TMEM247: variants seen among roughly 807,000 people sequenced by gnomAD.
TMEM247 encodes transmembrane protein 247, also known as transmembrane protein ENSP00000343375.
Under a neutral mutation model 20.7 loss-of-function variants are expected in TMEM247, and 23 were observed. That is an observed-to-expected ratio of 1.11 (90% CI 0.80 to 1.57). The LOEUF is 1.57. Among genes scored for constraint, TMEM247 ranks in the 40% most tolerant of loss-of-function variants. TMEM247 has a pLI of 0.00. For synonymous variants in TMEM247, 106 were observed against 111.9 expected (o/e 0.95, Z 0.33); for missense variants, 354 against 283.8 (o/e 1.25, Z -1.78).
exon 2 of TMEM247, chr2:46,480,591 C>G: frequency 1.3e-6 from 2 of 1,551,750 alleles, no homozygotes; most frequent in Non-Finnish European, 1.7e-6. Flanking sequence ...TGAGCGCAAT[C>G]CCGAGATGGA....
At chr2:46,480,233 C>G (rs1686852307) in intron 1 of TMEM247, among the ~76,000 whole-genome samples, 172 bp from the exon 2 acceptor site, 4 of 152,200 alleles carry the variant, frequency 2.6e-5, no homozygotes, top group Admixed American at 1.3e-4. Flanking sequence ...CCTTGACCCG[C>G]AGGTCCTGAC....
At chr2:46,480,444 T>G (rs1428436820) in exon 2 of TMEM247, 2 of 1,551,342 alleles carry the variant, frequency 1.3e-6, no homozygotes, top group East Asian at 4.9e-5. Flanking sequence ...CTATGACTAC[T>G]TGGAAGAGAT....
At chr2:46,480,814 G>A in intron 2 of TMEM247, 50 bp downstream of exon 2, 1 of 1,500,600 alleles carries the variant, frequency 6.7e-7, no homozygotes, top group Non-Finnish European at 8.9e-7. Flanking sequence ...TGGAGCTGAA[G>A]TCCCATGGGG....
chr2:46,480,858 C>T (rs1164339829), intron 2 of TMEM247, 94 bp downstream of exon 2: 18 of 1,414,620 alleles, frequency 1.3e-5, no homozygotes, highest in Admixed American at 7.9e-5. Flanking sequence ...CTGCTTTGCG[C>T]GGCACCCCAC....
chr2:46,484,289 G>A, exon 3 of TMEM247: 1 of 1,552,034 alleles, frequency 6.4e-7, no homozygotes, highest in Non-Finnish European at 8.7e-7. Context: ...GAACCAGTTT[G>A]CCATGTTCCT....
intron 2 of TMEM247, among the ~76,000 whole-genome samples, chr2:46,483,972 T>A (rs564391674): frequency 6.6e-6 from 1 of 152,176 alleles, no homozygotes; most frequent in Non-Finnish European, 1.5e-5. Flanking sequence ...TTTTTTTTTA[T>A]AGAGATAGGG....
At chr2:46,479,618 C>T (rs1448674377) in exon 1 of TMEM247, 1 of 1,551,686 alleles carries the variant, frequency 6.4e-7, no homozygotes, top group Non-Finnish European at 8.7e-7. Context: ...TGATGGAAGC[C>T]CGGGGTGCGG....
At chr2:46,482,700 G>T (rs914522176) in intron 2 of TMEM247, among the ~76,000 whole-genome samples, 1 of 152,126 alleles carries the variant, frequency 6.6e-6, no homozygotes. Flanking sequence ...AAGTCCAGGG[G>T]TCCAGAGCCA....
intron 2 of TMEM247, among the ~76,000 whole-genome samples, chr2:46,483,052 T>A (rs758957036): frequency 6.6e-6 from 1 of 152,216 alleles, no homozygotes; most frequent in Non-Finnish European, 1.5e-5. Context: ...TGTATTGAAT[T>A]GAAAATACCT....
At chr2:46,480,336 C>T in intron 1 of TMEM247, 69 bp from the exon 2 acceptor site, 1 of 1,444,836 alleles carries the variant, frequency 6.9e-7, no homozygotes, top group Non-Finnish European at 9.1e-7. Flanking sequence ...TGCGGGAGTT[C>T]CATGGGGTCA....
At chr2:46,484,329 A>G (rs984945375) in exon 3 of TMEM247, 27 of 1,552,152 alleles carry the variant, frequency 1.7e-5, no homozygotes, top group African/African-American at 2.7e-5. Flanking sequence ...CACATCATCT[A>G]TGTCACCAAG....
At chr2:46,482,730 C>T (rs1572685562) in intron 2 of TMEM247, among the ~76,000 whole-genome samples, 1 of 152,166 alleles carries the variant, frequency 6.6e-6, no homozygotes, top group Admixed American at 6.5e-5. Context: ...TGCAGAGAAC[C>T]GTCGGGTCAG....
chr2:46,483,324 T>C (rs1232542478), intron 2 of TMEM247, among the ~76,000 whole-genome samples: 2 of 152,190 alleles, frequency 1.3e-5, no homozygotes, highest in Admixed American at 6.5e-5. Context: ...CAACTCAAGC[T>C]GCTTTCCCCC....
At chr2:46,479,770 C>A in intron 1 of TMEM247, 68 bp downstream of exon 1, 1 of 1,171,118 alleles carries the variant, frequency 8.5e-7, no homozygotes, top group South Asian at 1.3e-5. Context: ...ACTGTAGGAA[C>A]ACATGCTTTG....
At chr2:46,482,369 A>G (rs1160348544) in intron 2 of TMEM247, among the ~76,000 whole-genome samples, 1 of 152,208 alleles carries the variant, frequency 6.6e-6, no homozygotes, top group African/African-American at 2.4e-5. Flanking sequence ...GTAGCCTGGG[A>G]TAAAATCTGT....
intron 2 of TMEM247, 72 bp downstream of exon 2, chr2:46,480,836 C>A (rs575393995): frequency 6.8e-7 from 1 of 1,464,938 alleles, no homozygotes; most frequent in Admixed American, 2.4e-5. Context: ...CTGGAGCAGG[C>A]GCCCACCTTC....
At chr2:46,484,054 G>A (rs892276504) in intron 2 of TMEM247, among the ~76,000 whole-genome samples, 190 bp from the exon 3 acceptor site, 1 of 152,152 alleles carries the variant, frequency 6.6e-6, no homozygotes, top group African/African-American at 2.4e-5. Context: ...GCCTCCCCAA[G>A]TACTGGGATT....
chr2:46,483,873 G>C (rs751949965), intron 2 of TMEM247, among the ~76,000 whole-genome samples: 1 of 152,060 alleles, frequency 6.6e-6, no homozygotes, highest in Non-Finnish European at 1.5e-5. Flanking sequence ...CCATAACCCC[G>C]AACTCTTGGG....
At chr2:46,480,534 G>A (rs996150102) in exon 2 of TMEM247, 10 of 1,551,754 alleles carry the variant, frequency 6.4e-6, no homozygotes, top group Non-Finnish European at 8.7e-6. Flanking sequence ...CAAAGGCCAG[G>A]CTGGCGACGG....
Sources: gnomAD v4.1 joint callset for allele counts (sites outside exome capture counted in the v4.1 genomes callset) on GRCh38, gnomAD v4.1.1 for gene constraint, MANE v1.5 for transcripts, NCBI Gene and HGNC (gene_info 2026-07-23, HGNC 2026-07-21) for gene names.